The following STX8 variants were observed in gnomAD, a reference collection of about 807,000 sequenced individuals.
The protein encoded by STX8 is syntaxin 8.
A neutral mutation model predicts 37.5 loss-of-function variants in STX8; 23 were observed. That is an observed-to-expected ratio of 0.61 (90% CI 0.44 to 0.87). The LOEUF (loss-of-function observed/expected upper bound fraction) is 0.87. Among genes scored for constraint, STX8 ranks in the 40% least tolerant of loss-of-function variants. The pLI is 0.00. For missense variants in STX8, 313 were observed against 284.7 expected, an observed-to-expected ratio of 1.10 and a Z score of -0.71; for synonymous variants, 115 against 99.1, an observed-to-expected ratio of 1.16 and a Z score of -0.95.
chr17:9,558,347 T>C (rs553752036), intron 2 of STX8, among the ~76,000 whole-genome samples: 175 of 152,134 alleles, frequency 1.2e-3, no homozygotes, highest in Non-Finnish European at 1.6e-3. Context: ...CTCCTTGGAT[T>C]TGCAGAATCA....
chr17:9,529,617 G>GTT (rs1051895774), intron 4 of STX8, among the ~76,000 whole-genome samples: 2 of 152,140 alleles, frequency 1.3e-5, no homozygotes, highest in African/African-American at 4.8e-5. Flanking sequence ...TTATAACACT[G>GTT]TAAGTCTCAC....
chr17:9,517,139 T>C (rs1208659260), intron 4 of STX8, among the ~76,000 whole-genome samples: 1 of 152,168 alleles, frequency 6.6e-6, no homozygotes, highest in African/African-American at 2.4e-5. Context: ...TAAAATAACA[T>C]CTGTCTCTGT....
At chr17:9,558,756 G>A (rs538835153) in intron 2 of STX8, among the ~76,000 whole-genome samples, 2 of 152,074 alleles carry the variant, frequency 1.3e-5, no homozygotes. Flanking sequence ...CCTGGAGGCG[G>A]AGCTTGCAGT....
At chr17:9,269,006 T>C (rs1907341930) in intron 7 of STX8, among the ~76,000 whole-genome samples, 1 of 151,818 alleles carries the variant, frequency 6.6e-6, no homozygotes, top group Non-Finnish European at 1.5e-5. Context: ...GCTAAAACGG[T>C]GAAACCCCGT....
At chr17:9,305,452 T>C (rs901424537) in intron 7 of STX8, 3 of 152,206 alleles carry the variant, frequency 2.0e-5, no homozygotes, top group African/African-American at 7.2e-5. Context: ...TGCCCAATTG[T>C]AGGCTAATGT....
At chr17:9,312,806 C>T (rs769609782) in intron 7 of STX8, among the ~76,000 whole-genome samples, 4 of 152,108 alleles carry the variant, frequency 2.6e-5, no homozygotes, top group Non-Finnish European at 4.4e-5. Context: ...TCTGCAGTCA[C>T]GGAGATGGAG....
chr17:9,338,842 C>T (rs1910230293), intron 7 of STX8, among the ~76,000 whole-genome samples: 2 of 151,988 alleles, frequency 1.3e-5, no homozygotes, highest in Non-Finnish European at 1.5e-5. Flanking sequence ...GAGGCTGAGG[C>T]GGGTGGATCA....
At chr17:9,453,172 A>G (rs192651560) in intron 6 of STX8, among the ~76,000 whole-genome samples, 59 of 152,142 alleles carry the variant, frequency 3.9e-4, no homozygotes, top group African/African-American at 1.3e-3. Flanking sequence ...TGGTGTGGGG[A>G]TCCGAAAGGT....
At chr17:9,351,176 CTT>C (rs71135970) in intron 7 of STX8, among the ~76,000 whole-genome samples, 9,053 of 98,690 alleles carry the variant, frequency 0.092, 66 homozygotes, top group Middle Eastern at 0.14. Flanking sequence ...ATTTCCTTGT[CTT>C]TTTTTTTTTT....
chr17:9,345,848 C>CTTTCTTTTTTTTT (rs1555599095), intron 7 of STX8, among the ~76,000 whole-genome samples: 1 of 52,076 alleles, frequency 1.9e-5, no homozygotes, highest in African/African-American at 6.8e-5. Context: ...TTATGCATTC[C>CTTTCTTTTTTTTT]TTTTTTTTTT....
intron 4 of STX8, among the ~76,000 whole-genome samples, chr17:9,506,095 T>C (rs1448972026): frequency 6.6e-6 from 1 of 152,162 alleles, no homozygotes; most frequent in Non-Finnish European, 1.5e-5. Context: ...TAATAATCCA[T>C]GTGCCCTTTC....
intron 7 of STX8, among the ~76,000 whole-genome samples, chr17:9,365,014 A>G (rs1911180732): frequency 6.6e-6 from 1 of 152,186 alleles, no homozygotes. Context: ...AGTGATGAGG[A>G]GAAGAGAAAG....
chr17:9,469,125 G>A (rs2305924), intron 6 of STX8: 37,901 of 152,020 alleles, frequency 0.25, 5,063 homozygotes, highest in Middle Eastern at 0.31. Context: ...GCTCAACCTA[G>A]GAGAAGGCTG....
intron 7 of STX8, among the ~76,000 whole-genome samples, chr17:9,303,915 G>A (rs1908869558): frequency 6.6e-6 from 1 of 151,864 alleles, no homozygotes. Context: ...AAATCTGGAC[G>A]TCATAAAAGA....
chr17:9,553,870 A>G (rs1455074043), intron 3 of STX8: 1 of 152,196 alleles, frequency 6.6e-6, no homozygotes, highest in Non-Finnish European at 1.5e-5. Flanking sequence ...CGTTGGGGCC[A>G]CACAGCCTGT....
intron 7 of STX8, among the ~76,000 whole-genome samples, chr17:9,365,465 A>G (rs1911201173): frequency 6.6e-6 from 1 of 152,286 alleles, no homozygotes; most frequent in African/African-American, 2.4e-5. Context: ...GGGACAAAGA[A>G]CATGTAGACA....
chr17:9,440,533 T>TA (rs1361831382), intron 6 of STX8, among the ~76,000 whole-genome samples: 3 of 151,614 alleles, frequency 2.0e-5, no homozygotes, highest in Admixed American at 6.6e-5. Flanking sequence ...TGATTTTTTT[T>TA]TTTTTTTTTG....
At chr17:9,540,435 C>T (rs1267776243) in intron 4 of STX8, among the ~76,000 whole-genome samples, 6 of 152,168 alleles carry the variant, frequency 3.9e-5, no homozygotes, top group African/African-American at 4.8e-5. Context: ...CAAGCATATG[C>T]GGACATGTTC....
At chr17:9,562,696 G>A (rs1398093048) in intron 2 of STX8, among the ~76,000 whole-genome samples, 2 of 151,450 alleles carry the variant, frequency 1.3e-5, no homozygotes, top group African/African-American at 4.9e-5. Flanking sequence ...AATTTAAAAC[G>A]ACACTGAAAC....
Sources: allele counts gnomAD v4.1 joint callset (sites outside exome capture counted in the v4.1 genomes callset), GRCh38; gene constraint gnomAD v4.1.1; transcripts MANE v1.5; gene names NCBI Gene and HGNC (gene_info 2026-07-23, HGNC 2026-07-21).